Variants in WDR36 observed in about 807,000 individuals in gnomAD.
The protein encoded by WDR36 is WD repeat domain 36.
Under a neutral mutation model 112.7 loss-of-function variants are expected in WDR36, and 63 were observed. The observed-to-expected ratio is 0.56, with a 90% confidence interval of 0.46 to 0.69. The LOEUF (loss-of-function observed/expected upper bound fraction) is 0.69, where lower values mean the gene tolerates loss of function less well. Ranked by LOEUF, WDR36 falls within the 30% of genes least tolerant of loss-of-function variation. WDR36 has a pLI of 0.00. For synonymous variants in WDR36, 410 were observed against 362.2 expected, an observed-to-expected ratio of 1.13 and a Z score of -1.50; for missense variants, 1,226 against 1,070.3, an observed-to-expected ratio of 1.15 and a Z score of -2.03.
At chr5:111,113,600 G>A (rs1054136545) in intron 16 of WDR36, among the ~76,000 whole-genome samples, 1 of 152,048 alleles carries the variant, frequency 6.6e-6, no homozygotes, top group Middle Eastern at 3.2e-3. Context: ...AGGCATTTTA[G>A]ATAGTCTTAG....
intron 11 of WDR36, among the ~76,000 whole-genome samples, chr5:111,107,062 A>G (rs954519950): frequency 6.6e-6 from 1 of 151,370 alleles, no homozygotes; most frequent in African/African-American, 2.4e-5. Flanking sequence ...CCGTTCCACA[A>G]TGTATACATA....
In WDR36 at chr5:111,129,012, G is replaced by A. The variant is rs1195032786; in HGVS notation, c.*2129G>A. The A allele has an allele frequency of 2.1e-5, 4 of 194,108 alleles. No homozygotes were observed. The highest frequency in any genetic ancestry group is 9.3e-5 in the African/African-American group (4 of 43,162). 12.0% of individuals were successfully genotyped at this position (194,108 alleles called of 1,614,324 possible). A position where few individuals can be genotyped will look rare whatever the true frequency, so the allele number is the denominator to read the frequency against. The stretch of plus-strand genomic sequence containing the variant: ...TATCTACAGCCACAGGAAATGTATA[G>A]TTACGATTTTTACATACGTGTATGT... On this transcript the variant is annotated 3_prime_UTR_variant, in exon 23 of 23. Transcript: ENST00000513710.
At chr5:111,095,192 A>G (rs997248714) in intron 2 of WDR36, 4 of 486,958 alleles carry the variant, frequency 8.2e-6, no homozygotes, top group Admixed American at 3.4e-5. Flanking sequence ...ACATTGACAC[A>G]TTGACATTTT....
chr5:111,119,082 G>A lies in WDR36; in HGVS notation c.1866G>A (p.Leu622=). 1 of 1,613,468 alleles carries A rather than the reference G, an allele frequency of 6.2e-7. No individual in the cohort carries two copies. Among genetic ancestry groups the A allele is most frequent in the Non-Finnish European group, 8.5e-7 (1 of 1,179,578 alleles). Residue 622 remains leucine, a synonymous_variant, in exon 17 of 23, where the codon CTG becomes CTA. Transcript: ENST00000513710. ...NVSMSPTGDF[L]ATSHVDHLGI... is the part of the protein sequence containing the mutation. ...CTATGTCTCCTACTGGAGACTTTCT[G>A]GCAACTTCCCATGTGGACCACCTTG...
At chr5:111,099,451 GTTTTTTTTTTTGTTTTTTTTTTTT>G (rs1232658026) in intron 4 of WDR36, among the ~76,000 whole-genome samples, 1 of 55,642 alleles carries the variant, frequency 1.8e-5, no homozygotes, top group African/African-American at 5.8e-5. Flanking sequence ...GTTTTTTTTT[GTTTTTTTTTTTGTTTTTTTTTTTT>G]TTTTTTTTTC....
At chr5:111,093,129 C>T (rs1226088155) in intron 1 of WDR36, among the ~76,000 whole-genome samples, 2 of 152,230 alleles carry the variant, frequency 1.3e-5, no homozygotes, top group Non-Finnish European at 2.9e-5. Flanking sequence ...GGCACTGTCA[C>T]TCTAAGCCTT....
At position 111,106,294 on chromosome 5, in the gene WDR36, G is replaced by A; in HGVS notation, c.1180+151G>A. On this transcript the variant is annotated intron_variant, in intron 11 of 22. Coordinates refer to ENST00000513710, the MANE Select transcript of WDR36 (RefSeq NM_139281.3). ...CAGGTGCATGCTGGTCTTGTGTGAA[G>A]ACTAAAAATGAGTTATTTTAAATGT... 4.2e-6 allele frequency: 3 copies of A among 721,272 alleles called. No homozygotes were observed. In the South Asian group the frequency reaches 4.7e-5, roughly 11 times the overall value. 44.7% of individuals were successfully genotyped at this position (721,272 alleles called of 1,614,324 possible).
At chr5:111,095,341 TC>T (rs1447502544) in intron 2 of WDR36, 1 of 186,266 alleles carries the variant, frequency 5.4e-6, no homozygotes, top group Non-Finnish European at 1.1e-5. Flanking sequence ...TTGGTTCTGT[TC>T]CTGGTAGTGA....
At chr5:111,105,497 T>C (rs1753206311) in intron 10 of WDR36, 137 bp downstream of exon 10, 1 of 804,604 alleles carries the variant, frequency 1.2e-6, no homozygotes, top group African/African-American at 1.7e-5. Context: ...GAAGAGGTAG[T>C]AAGATTCCTA....
At chr5:111,094,365 GC>G (rs767575997) in intron 1 of WDR36, among the ~76,000 whole-genome samples, 11 of 152,290 alleles carry the variant, frequency 7.2e-5, no homozygotes, top group African/African-American at 2.4e-4. Flanking sequence ...GGGTCATACA[GC>G]TGGATCAGTA....
Position 111,116,067 on chromosome 5 carries a change from C to T in WDR36, c.1796+2914C>T, listed in dbSNP as rs1006360826. 2.1e-4 allele frequency among the ~76,000 whole-genome samples: 32 copies of T among 152,008 alleles called. 1 individual carries two copies. The highest frequency in any genetic ancestry group is 2.1e-3 in the Admixed American group (32 of 15,260). On this transcript the variant is annotated intron_variant, in intron 16 of 22. Transcript: ENST00000513710. ...AAGCAATTCTCCTGCCTCAGCTTCC[C>T]GAGCAGCTGGGACCACAGGCGTGTG...
rs1753192182 is a variant in WDR36, at chr5:111,104,789, A to G, written c.999A>G (p.Gly333=). The G allele has an allele frequency of 6.2e-7, 1 of 1,611,100 alleles. No homozygotes were observed. Among genetic ancestry groups the G allele is most frequent in the Non-Finnish European group, 8.5e-7 (1 of 1,177,844 alleles). The part of the protein sequence containing the change: ...SAPLTNIRYY[G]QNGQQILSAS... ...CTCTTACCAATATCAGATATTATGG[A>G]CAGAATGGACAGCAGATTCTAAGTG... The change falls in exon 9 of 23, where the codon GGA becomes GGG. Residue 333 remains glycine, a synonymous_variant. Transcript: ENST00000513710.
At position 111,105,998 on chromosome 5, in the gene WDR36, T is replaced by C; in HGVS notation, c.1094-59T>C. On this transcript the variant is annotated intron_variant, in intron 10 of 22. Transcript: ENST00000513710. ...CAAGACTGATAGCTTTTCTTTTATATACACTTTTTATTAAGAAGGATTCAT... is the reference window on the plus strand; with the variant it reads ...CAAGACTGATAGCTTTTCTTTTATACACACTTTTTATTAAGAAGGATTCAT... 3.8e-6 allele frequency: 5 copies of C among 1,331,036 alleles called. No homozygotes were observed. The East Asian group carries it at 9.2e-5, about 25-fold the overall frequency. The allele number at this position is 1,331,036 out of a possible 1,614,324, so 82.5% of individuals were successfully genotyped here. A position where few individuals can be genotyped will look rare whatever the true frequency, so the allele number is the denominator to read the frequency against.
At chr5:111,105,149 A>T in intron 9 of WDR36, 146 bp from the exon 10 acceptor site, 1 of 797,198 alleles carries the variant, frequency 1.3e-6, no homozygotes. Context: ...GAATATTTTA[A>T]TGAAGTAGTT....
Position 111,121,028 on chromosome 5 carries a change from A to C in WDR36, c.2035A>C (p.Ser679Arg), listed in dbSNP as rs373323650. 7 of 1,613,418 alleles carry C rather than the reference A, an allele frequency of 4.3e-6. No individual in the cohort carries two copies. The highest frequency in any genetic ancestry group is 5.9e-6 in the Non-Finnish European group (7 of 1,179,608). Residue 679 changes from serine (S) to arginine (R), a missense_variant, in exon 19 of 23, where the codon AGT becomes CGT. Physicochemically the swap from Ser to Arg is moderately radical, Grantham distance 110 (BLOSUM62 -1). Transcript: ENST00000513710. ...AGTATCAGAAGAAACAGTAGAACCA[A>C]GTGATGAATTGATAGAATATGATTC... Reference protein sequence around the residue: ...VEVSEETVEPSDELIEYDSPE... With the variant: ...VEVSEETVEPRDELIEYDSPE...
rs1312447228 is a variant in WDR36, at chr5:111,124,177, G to C, written c.2338G>C (p.Val780Leu). 1 of 1,611,204 alleles carries C rather than the reference G, an allele frequency of 6.2e-7. No individual in the cohort carries two copies. The highest frequency in any genetic ancestry group is 1.7e-5 in the Admixed American group (1 of 59,954). The part of the protein sequence containing the change: ...DFCLKLEEGL[V>L]NNKYDTALNL... ...CTGCTTGAAACTTGAAGAAGGACTG[G>C]TAAATAATAAGTGTAAGTTGAATTA... The change falls in exon 21 of 23, where the codon GTA (valine) becomes CTA (leucine). Residue 780 changes from valine to leucine, a missense_variant. Coordinates refer to ENST00000513710, the MANE Select transcript of WDR36 (RefSeq NM_139281.3).
chr5:111,093,881 A>G (rs1483889279), intron 1 of WDR36, among the ~76,000 whole-genome samples: 1 of 152,188 alleles, frequency 6.6e-6, no homozygotes, highest in Admixed American at 6.5e-5. Context: ...CATAATAAAG[A>G]TGGCTTTTAA....
At position 111,097,066 on chromosome 5, in the gene WDR36, T is replaced by C. The variant is rs752353204; in HGVS notation, c.191-13T>C. 2 of 1,597,970 alleles carry C rather than the reference T, an allele frequency of 1.3e-6. No individual in the cohort carries two copies. The highest frequency in any genetic ancestry group is 2.2e-5 in the South Asian group (2 of 90,768). ...AAAAATCCCTGTTTCTTTCATTTTG[T>C]ATTTTCTGCTAGGTAATTCTGTTCC... On this transcript the variant is annotated splice_polypyrimidine_tract_variant and intron_variant, in intron 2 of 22. Coordinates refer to ENST00000513710, the MANE Select transcript of WDR36 (RefSeq NM_139281.3).
rs182885836 is a variant in WDR36 at position 111,112,232 on chromosome 5, A to G, written c.1717-842A>G. 2.5e-3 allele frequency among the ~76,000 whole-genome samples: 381 copies of G among 152,110 alleles called. 3 individuals carry two copies. The highest frequency in any genetic ancestry group is 2.9e-3 in the Non-Finnish European group (195 of 67,922). On this transcript the variant is annotated intron_variant, in intron 15 of 22. Transcript: ENST00000513710. ...TTCAAACCTTACTTTCAACTTGTAT[A>G]TCTCGAGTTTCCCTGCTCAGTAATA...
Sources: allele counts gnomAD v4.1 joint callset (sites outside exome capture counted in the v4.1 genomes callset), GRCh38; gene constraint gnomAD v4.1.1; transcripts MANE v1.5; gene names NCBI Gene and HGNC (gene_info 2026-07-23, HGNC 2026-07-21).